The following ZNF730 variants were observed in gnomAD, a reference collection of about 807,000 sequenced individuals.
ZNF730 encodes the protein zinc finger protein 730.
A neutral mutation model predicts 12.6 loss-of-function variants in ZNF730; 12 were observed. That is an observed-to-expected ratio of 0.95 (90% CI 0.61 to 1.54). The LOEUF (loss-of-function observed/expected upper bound fraction) is 1.54. Ranked by LOEUF, ZNF730 falls within the 40% of genes most tolerant of loss-of-function variation. ZNF730 has a pLI of 0.00. For synonymous variants in ZNF730, 194 were observed against 195.8 expected, an observed-to-expected ratio of 0.99 and a Z score of 0.08; for missense variants, 643 against 583.5, an observed-to-expected ratio of 1.10 and a Z score of -1.05.
At chr19:23,081,654 C>G (rs1272977235) in intron 1 of ZNF730, among the ~76,000 whole-genome samples, 1 of 152,140 alleles carries the variant, frequency 6.6e-6, no homozygotes, top group African/African-American at 2.4e-5. Flanking sequence ...GGGATTTTGC[C>G]ATGTTGGCCA....
intron 1 of ZNF730, among the ~76,000 whole-genome samples, chr19:23,099,308 A>G (rs970773132): frequency 3.9e-5 from 6 of 152,076 alleles, no homozygotes; most frequent in Admixed American, 3.9e-4. Context: ...TCATAGGTCC[A>G]TAGCACCACA....
intron 1 of ZNF730, 91 bp downstream of exon 1, chr19:23,117,267 A>C (rs1970541605): frequency 1.2e-6 from 2 of 1,602,612 alleles, no homozygotes; most frequent in Non-Finnish European, 1.7e-6. Context: ...GCCTCCCCGC[A>C]GTCAGCTTCA....
intron 1 of ZNF730, chr19:23,127,259 A>G (rs985925215): frequency 6.1e-6 from 4 of 659,426 alleles, no homozygotes; most frequent in African/African-American, 1.8e-5. Flanking sequence ...TTCTCTTTTT[A>G]TTTTTCCTTG....
intron 2 of ZNF730, among the ~76,000 whole-genome samples, chr19:23,134,517 G>A (rs1310231356): frequency 1.4e-5 from 2 of 145,958 alleles, no homozygotes; most frequent in African/African-American, 5.1e-5. Context: ...CGTCCGGGAG[G>A]TGAGGGGCGC....
intron 1 of ZNF730, among the ~76,000 whole-genome samples, chr19:23,132,143 A>T (rs2145652534): frequency 6.6e-6 from 1 of 152,296 alleles, no homozygotes; most frequent in Non-Finnish European, 1.5e-5. Context: ...GTTATAAAGG[A>T]CAGAAATGGG....
intron 2 of ZNF730, among the ~76,000 whole-genome samples, 174 bp downstream of exon 2, chr19:23,134,380 G>T (rs1245906367): frequency 2.6e-4 from 38 of 148,944 alleles, no homozygotes; most frequent in African/African-American, 9.3e-4. Context: ...CGTCCGGGAG[G>T]GAGGTGGGGG....
At chr19:23,076,364 T>A (rs1022365930) in intron 1 of ZNF730, among the ~76,000 whole-genome samples, 1 of 152,168 alleles carries the variant, frequency 6.6e-6, no homozygotes, top group Non-Finnish European at 1.5e-5. Context: ...AAATAAAAAT[T>A]ATCTCTGCCT....
rs931736489 is a variant in ZNF730 at position 23,117,031 on chromosome 19, G to A, written c.-143G>A. 19 of 1,244,966 alleles carry A rather than the reference G, an allele frequency of 1.5e-5. No individual in the cohort carries two copies. The highest frequency in any genetic ancestry group is 1.9e-5 in the Non-Finnish European group (18 of 950,760). 77.1% of individuals were successfully genotyped at this position (1,244,966 alleles called of 1,614,324 possible). ...GCTTCCGGGATTTGGCGCGGCCTTTGTTTCTCGCTGCCGCCGAAGCTCCAA... is the reference window on the plus strand; with the variant it reads ...GCTTCCGGGATTTGGCGCGGCCTTTATTTCTCGCTGCCGCCGAAGCTCCAA... On this transcript the variant is annotated 5_prime_UTR_variant, in exon 1 of 4. Coordinates refer to ENST00000597761, the MANE Select transcript of ZNF730 (RefSeq NM_001277403.2).
chr19:23,146,862 G>T lies in ZNF730; in HGVS notation c.*306G>T. Reference sequence around the variant, plus strand: ...CAAATCCTTAATTCTTAACAGACATGATTCATACCAGAGAGAAACTCTACA... The same window carrying T: ...CAAATCCTTAATTCTTAACAGACATTATTCATACCAGAGAGAAACTCTACA... On this transcript the variant is annotated 3_prime_UTR_variant, in exon 4 of 4. Coordinates refer to ENST00000597761, the MANE Select transcript of ZNF730 (RefSeq NM_001277403.2). The T allele has an allele frequency of 1.4e-6, 1 of 697,216 alleles. No homozygotes were observed. Among genetic ancestry groups the T allele is most frequent in the Non-Finnish European group, 2.5e-6 (1 of 398,278 alleles). The allele number at this position is 697,216 out of a possible 1,614,324, so 43.2% of individuals were successfully genotyped here.
At chr19:23,128,393 C>A (rs1218314100) in intron 1 of ZNF730, 9 of 452,192 alleles carry the variant, frequency 2.0e-5, no homozygotes, top group African/African-American at 1.2e-4. Flanking sequence ...CATAAGAAAG[C>A]TCATGCTGCT....
At chr19:23,114,414 C>T (rs1241244989), upstream of ZNF730, among the ~76,000 whole-genome samples, 2 of 148,328 alleles carry the variant, frequency 1.3e-5, no homozygotes, top group Non-Finnish European at 3.0e-5. Flanking sequence ...TCTCGCCATT[C>T]TCCTGCCTCA....
Position 23,131,503 on chromosome 19 carries a change from C to CA in ZNF730, c.4-2571dup, listed in dbSNP as rs570533244. ...TCTAAATACAAAAACAAAAAACAAA[C>CA]AAAAAACATTGTTGCTTTCTGTTTC... On this transcript the variant is annotated intron_variant, in intron 1 of 3. Transcript: ENST00000597761. Among the ~76,000 whole-genome samples, 389 of 151,934 alleles carry CA rather than the reference C, an allele frequency of 2.6e-3. 3 individuals carry two copies. The highest frequency in any genetic ancestry group is 8.2e-3 in the African/African-American group (338 of 41,262).
At chr19:23,145,055 T>TTAG (rs1176998014) in intron 3 of ZNF730, among the ~76,000 whole-genome samples, 2 of 152,226 alleles carry the variant, frequency 1.3e-5, no homozygotes, top group Admixed American at 1.3e-4. Context: ...TATAGCTCTT[T>TTAG]GCATTGTGTT....
chr19:23,121,959 T>G (rs1471434027), intron 1 of ZNF730, among the ~76,000 whole-genome samples: 2 of 152,184 alleles, frequency 1.3e-5, no homozygotes, highest in Non-Finnish European at 2.9e-5. Flanking sequence ...TTTAGAAATA[T>G]ATGTAAATCA....
chr19:23,136,486 C>A (rs190451623), intron 3 of ZNF730, among the ~76,000 whole-genome samples: 202 of 152,196 alleles, frequency 1.3e-3, no homozygotes, highest in African/African-American at 4.7e-3. Flanking sequence ...CTCACTGCAA[C>A]CTCTGTCTCT....
intron 1 of ZNF730, chr19:23,126,962 T>C: frequency 2.0e-6 from 1 of 510,330 alleles, no homozygotes; most frequent in Non-Finnish European, 3.9e-6. Context: ...ATGCTTCTAT[T>C]TTTCTTGTTT....
intron 1 of ZNF730, among the ~76,000 whole-genome samples, chr19:23,109,240 C>CT (rs1215671337): frequency 2.7e-5 from 4 of 150,642 alleles, no homozygotes; most frequent in South Asian, 4.2e-4. Flanking sequence ...ATGAAATTTC[C>CT]TTTTTTTTGA....
At chr19:23,140,731 A>C (rs984685848) in intron 3 of ZNF730, among the ~76,000 whole-genome samples, 3 of 151,934 alleles carry the variant, frequency 2.0e-5, no homozygotes, top group African/African-American at 7.3e-5. Flanking sequence ...AGGCAGGCTG[A>C]TCACAAGGTC....
chr19:23,114,234 T>G (rs1970487645), upstream of ZNF730, among the ~76,000 whole-genome samples: 1 of 152,050 alleles, frequency 6.6e-6, no homozygotes. Context: ...CTACTCAATT[T>G]GCAAATCCCT....
Sources: gnomAD v4.1 joint callset for allele counts (sites outside exome capture counted in the v4.1 genomes callset) on GRCh38, gnomAD v4.1.1 for gene constraint, MANE v1.5 for transcripts, NCBI Gene and HGNC (gene_info 2026-07-23, HGNC 2026-07-21) for gene names.